Variants in IGSF11 observed in about 807,000 individuals in gnomAD.
IGSF11 encodes CXADR like 1.
Under a neutral mutation model 41.0 loss-of-function variants are expected in IGSF11, and 22 were observed. The observed-to-expected ratio is 0.54, with a 90% confidence interval of 0.38 to 0.77. IGSF11 has a LOEUF of 0.77. IGSF11 is among the 30% of genes least tolerant of loss of function. The probability of loss-of-function intolerance (pLI) is 0.00; values close to 1 mark genes in which losing one functional copy is unlikely to be tolerated. For synonymous variants in IGSF11, 219 were observed against 201.3 expected, an observed-to-expected ratio of 1.09 and a Z score of -0.74; for missense variants, 444 against 530.8, an observed-to-expected ratio of 0.84 and a Z score of 1.61.
At chr3:118,955,135 T>C (rs1488625389) in intron 1 of IGSF11, among the ~76,000 whole-genome samples, 2 of 151,974 alleles carry the variant, frequency 1.3e-5, no homozygotes, top group Non-Finnish European at 2.9e-5. Flanking sequence ...CAATTTGCAA[T>C]TGCAAAAGTA....
chr3:119,009,530 A>C (rs151126449), intron 1 of IGSF11, among the ~76,000 whole-genome samples: 139 of 152,286 alleles, frequency 9.1e-4, no homozygotes, highest in African/African-American at 2.8e-3. Flanking sequence ...CTTTGTGAAG[A>C]AGGTACTTGC....
In IGSF11 at chr3:119,049,419, T is replaced by C. The variant is rs555575566; in HGVS notation, c.49+55725A>G. Among the ~76,000 whole-genome samples, 1,511 of 152,106 alleles carry C rather than the reference T, an allele frequency of 9.9e-3. 33 individuals are homozygous for C. Among genetic ancestry groups the C allele is most frequent in the African/African-American group, 0.033 (1,372 of 41,470 alleles). On this transcript the variant is annotated intron_variant, in intron 1 of 6. Coordinates refer to the IGSF11 transcript ENST00000354673. The stretch of plus-strand genomic sequence containing the variant: ...CACAATTGCTTCAAAGAGAATAAAA[T>C]ACTTAGGAATCCAACTTACAAGGGA...
At chr3:118,965,024 C>G (rs1576499100) in intron 1 of IGSF11, among the ~76,000 whole-genome samples, 1 of 152,024 alleles carries the variant, frequency 6.6e-6, no homozygotes, top group East Asian at 1.9e-4. Flanking sequence ...GTACCTTGCC[C>G]AGAGTTGACA....
intron 1 of IGSF11, among the ~76,000 whole-genome samples, chr3:119,103,140 G>T (rs752891940): frequency 6.6e-6 from 1 of 151,976 alleles, no homozygotes; most frequent in South Asian, 2.1e-4. Context: ...TGGGACTACA[G>T]GTGTCCGCCA....
chr3:119,094,215 T>C (rs2076809728), intron 1 of IGSF11, among the ~76,000 whole-genome samples: 1 of 20,768 alleles, frequency 4.8e-5, no homozygotes, highest in African/African-American at 1.3e-4. Context: ...AAGGACTACA[T>C]AGCGAAGTAA....
At chr3:119,032,753 T>C (rs950825848) in intron 1 of IGSF11, among the ~76,000 whole-genome samples, 3 of 152,340 alleles carry the variant, frequency 2.0e-5, no homozygotes, top group East Asian at 1.9e-4. Flanking sequence ...CATTAACAAA[T>C]AGAACTCATC....
At chr3:119,026,187 T>C (rs981482666) in intron 1 of IGSF11, among the ~76,000 whole-genome samples, 1 of 152,248 alleles carries the variant, frequency 6.6e-6, no homozygotes, top group Non-Finnish European at 1.5e-5. Flanking sequence ...TACTTTTAGA[T>C]GTTTTTAAAT....
intron 6 of IGSF11, among the ~76,000 whole-genome samples, chr3:118,904,237 T>C (rs1315374428): frequency 6.6e-6 from 1 of 152,248 alleles, no homozygotes. Flanking sequence ...TTCTGAGCCA[T>C]AGTGCTGTGG....
intron 1 of IGSF11, among the ~76,000 whole-genome samples, chr3:118,932,360 A>G (rs1444060718): frequency 1.3e-5 from 2 of 152,238 alleles, no homozygotes; most frequent in African/African-American, 4.8e-5. Context: ...AGAATAACAT[A>G]CTGTTATGAT....
At chr3:119,059,331 A>G (rs576332338) in intron 1 of IGSF11, among the ~76,000 whole-genome samples, 72 of 152,268 alleles carry the variant, frequency 4.7e-4, no homozygotes, top group Non-Finnish European at 7.4e-4. Context: ...CAAACATTGT[A>G]TGTTCTCATT....
chr3:118,945,261 G>A (rs944710323), intron 1 of IGSF11, among the ~76,000 whole-genome samples: 10 of 152,040 alleles, frequency 6.6e-5, no homozygotes, highest in African/African-American at 9.7e-5. Context: ...TCATATAATC[G>A]TCCCAGTAGC....
chr3:118,941,788 CA>C (rs1238769735), intron 1 of IGSF11, among the ~76,000 whole-genome samples: 3 of 151,464 alleles, frequency 2.0e-5, no homozygotes, highest in Non-Finnish European at 2.9e-5. Flanking sequence ...TACTTATGAA[CA>C]AAAAAAACCT....
intron 1 of IGSF11, among the ~76,000 whole-genome samples, chr3:118,998,618 G>A (rs1936503223): frequency 6.6e-6 from 1 of 150,898 alleles, no homozygotes; most frequent in Admixed American, 6.6e-5. Context: ...TTTCAAATAT[G>A]TCATATTTTA....
At chr3:119,125,934 C>T (rs1043071832) in intron 1 of IGSF11, among the ~76,000 whole-genome samples, 19 of 152,226 alleles carry the variant, frequency 1.2e-4, no homozygotes, top group Non-Finnish European at 8.8e-5. Flanking sequence ...CCCATGCCAC[C>T]GGGGCCTAGC....
At chr3:118,987,068 A>C (rs1374559681) in intron 1 of IGSF11, among the ~76,000 whole-genome samples, 1 of 152,226 alleles carries the variant, frequency 6.6e-6, no homozygotes, top group Non-Finnish European at 1.5e-5. Context: ...AAACACATGG[A>C]CCAGGAAAAC....
chr3:119,115,509 G>A (rs531758893), intron 1 of IGSF11, among the ~76,000 whole-genome samples: 1 of 152,258 alleles, frequency 6.6e-6, no homozygotes, highest in South Asian at 2.1e-4. Context: ...CAATTATGTT[G>A]AGCACCTTTT....
intron 1 of IGSF11, among the ~76,000 whole-genome samples, chr3:119,008,869 G>T (rs1048733291): frequency 2.0e-5 from 3 of 152,124 alleles, no homozygotes; most frequent in Admixed American, 6.6e-5. Flanking sequence ...AGCCTGAAAA[G>T]AATGAAAGAC....
At chr3:118,957,747 T>C (rs1325816687) in intron 1 of IGSF11, among the ~76,000 whole-genome samples, 1 of 152,246 alleles carries the variant, frequency 6.6e-6, no homozygotes, top group African/African-American at 2.4e-5. Context: ...TAATTCCTAT[T>C]TTGAAAGAGC....
chr3:118,905,708 C>G lies in IGSF11; in HGVS notation c.591G>C (p.Gln197His). 6.2e-7 allele frequency: 1 copy of G among 1,613,734 alleles called. No individual in the cohort carries two copies. Among genetic ancestry groups the G allele is most frequent in the Non-Finnish European group, 8.5e-7 (1 of 1,179,726 alleles). ...TGATGTTCCGGATGGTGACTGTTCC[C>G]TGGACCTGGTCTGTCACAAAAATAA... ...LPPTATQDQV[Q>H]GTVTIRNISA... The change falls in exon 5 of 7, where the codon CAG (glutamine) becomes CAC (histidine). Residue 197 changes from glutamine to histidine, a missense_variant. Around this residue, in one of 3 missense-constraint regions of IGSF11, gnomAD observed 193 missense variants for 283.5 expected, o/e 0.68. Transcript: ENST00000393775.
Sources: gnomAD v4.1 joint callset for allele counts (sites outside exome capture counted in the v4.1 genomes callset) on GRCh38, gnomAD v4.1.1 for gene constraint, gnomAD v4.1.1 regional missense constraint, MANE v1.5 for transcripts, NCBI Gene and HGNC (gene_info 2026-07-23, HGNC 2026-07-21) for gene names.